The following GNL3L variants were observed in gnomAD, a reference collection of about 807,000 sequenced individuals.
GNL3L encodes guanine nucleotide-binding protein-like 3-like protein.
Under a neutral mutation model 42.9 loss-of-function variants are expected in GNL3L, and 4 were observed. That is an observed-to-expected ratio of 0.09 (90% CI 0.05 to 0.21). The LOEUF is 0.21. Ranked by LOEUF, GNL3L falls within the 10% of genes least tolerant of loss-of-function variation. The probability of loss-of-function intolerance (pLI) is 1.00; values close to 1 mark genes in which losing one functional copy is unlikely to be tolerated. For synonymous variants in GNL3L, 159 were observed against 176.3 expected (o/e 0.90, Z 0.78); for missense variants, 412 against 481.7 (o/e 0.86, Z 1.36).
the GNL3L span, among the ~76,000 whole-genome samples, chrX:54,643,116 T>C: frequency 8.9e-6 from 1 of 112,002 alleles, no homozygotes; most frequent in Non-Finnish European, 1.9e-5. Flanking sequence ...CTTTTTCATA[T>C]AACACTTAAC....
At chrX:54,611,236 T>C (rs962734345) in intron 16 of GNL3L, among the ~76,000 whole-genome samples, 1 of 112,024 alleles carries the variant, frequency 8.9e-6, no homozygotes, top group Non-Finnish European at 1.9e-5. Flanking sequence ...GGGTTTTCTC[T>C]CTTCTTTTCT....
the GNL3L span, among the ~76,000 whole-genome samples, chrX:54,640,800 C>T: frequency 8.9e-6 from 1 of 112,511 alleles, no homozygotes; most frequent in East Asian, 2.8e-4. Context: ...CGGGTCTTGT[C>T]TGTCTCCAGG....
intron 16 of GNL3L, among the ~76,000 whole-genome samples, chrX:54,585,989 C>T (rs1344111706): frequency 9.0e-6 from 1 of 111,535 alleles, no homozygotes; most frequent in Non-Finnish European, 1.9e-5. Context: ...TTCAAGATGG[C>T]TGATTAGAGG....
intron 2 of GNL3L, among the ~76,000 whole-genome samples, chrX:54,533,752 C>T (rs1924337955): frequency 9.1e-6 from 1 of 110,349 alleles, no homozygotes; most frequent in African/African-American, 3.3e-5. Context: ...CGTGAACCAC[C>T]ATGCCCGACC....
chrX:54,546,570 C>T (rs1924778416), intron 8 of GNL3L, among the ~76,000 whole-genome samples: 1 of 112,511 alleles, frequency 8.9e-6, no homozygotes, highest in African/African-American at 3.2e-5. Context: ...CCCTTGGCAA[C>T]ATTTGATAGC....
At chrX:54,535,849 G>A (rs996478992) in intron 2 of GNL3L, among the ~76,000 whole-genome samples, 10 of 111,002 alleles carry the variant, frequency 9.0e-5, no homozygotes, top group African/African-American at 2.3e-4. Context: ...CACAACCTCC[G>A]CCTCCTGGGC....
At chrX:54,570,393 T>G (rs1925526907), downstream of GNL3L, among the ~76,000 whole-genome samples, 1 of 111,970 alleles carries the variant, frequency 8.9e-6, no homozygotes, top group East Asian at 2.8e-4. Context: ...TTAACTATGG[T>G]ATATCTTTTT....
intron 16 of GNL3L, among the ~76,000 whole-genome samples, chrX:54,581,527 G>A (rs1385839942): frequency 8.9e-6 from 1 of 112,635 alleles, no homozygotes; most frequent in Non-Finnish European, 1.9e-5. Flanking sequence ...GAGCCACTGT[G>A]CCCCATCAAT....
At chrX:54,643,980 G>A in the GNL3L span, among the ~76,000 whole-genome samples, 2 of 112,336 alleles carry the variant, frequency 1.8e-5, no homozygotes, top group African/African-American at 3.2e-5. Flanking sequence ...ATTCAATTAT[G>A]TATATATACC....
At chrX:54,584,379 T>C (rs1292359402) in intron 16 of GNL3L, among the ~76,000 whole-genome samples, 2 of 111,585 alleles carry the variant, frequency 1.8e-5, no homozygotes, top group Non-Finnish European at 3.8e-5. Context: ...GTTGCACATA[T>C]ATATGTGGTA....
intron 8 of GNL3L, among the ~76,000 whole-genome samples, chrX:54,547,471 A>G (rs980275863): frequency 3.6e-5 from 4 of 110,751 alleles, no homozygotes; most frequent in African/African-American, 1.3e-4. Flanking sequence ...TTGGGAGGCC[A>G]AGGTGGGCAG....
chrX:54,591,889 C>T (rs1925876537), intron 16 of GNL3L, among the ~76,000 whole-genome samples: 2 of 111,274 alleles, frequency 1.8e-5, no homozygotes, highest in African/African-American at 6.5e-5. Flanking sequence ...TGCATTGAAT[C>T]TGTAGATTGC....
chrX:54,600,143 T>A lies in GNL3L; in HGVS notation c.*46-20702T>A, dbSNP rs188976577. On this transcript the variant is annotated intron_variant, in intron 16 of 16. Transcript: ENST00000674498. ...GTTCTTGTTATGATGAGTAATTTTT[T>A]ATTAAAATCTGGACATTTTGGGAAT... Among the ~76,000 whole-genome samples, 960 of 107,927 alleles carry A rather than the reference T, an allele frequency of 8.9e-3. 4 individuals carry two copies. The highest frequency in any genetic ancestry group is 0.014 in the Non-Finnish European group (744 of 52,081). The allele number at this position is 107,927 out of a possible 115,157, so 93.7% of individuals were successfully genotyped here.
At position 54,541,366 on chromosome X, in the gene GNL3L, C is replaced by T. The variant is rs139639751; in HGVS notation, c.283C>T (p.Arg95Cys). ...GAGCTACTGTCAGGATGTCCTAAGACGCCAGGAGGAGTTTGAGCATAAGGT... is the reference window on the plus strand; with the variant it reads ...GAGCTACTGTCAGGATGTCCTAAGATGCCAGGAGGAGTTTGAGCATAAGGT... ...IESYCQDVLRRQEEFEHKEEV... is the reference protein window; with the variant it reads ...IESYCQDVLRCQEEFEHKEEV... Residue 95 changes from arginine (R) to cysteine (C), a missense_variant, in exon 5 of 16, where the codon CGC (arginine) becomes TGC (cysteine). By Grantham distance (180) the Arg-to-Cys change is radical. Transcript: ENST00000360845. 2.8e-5 allele frequency: 33 copies of T among 1,190,549 alleles called. No individual in the cohort carries two copies. The African/African-American group carries it at 3.9e-4, about 14-fold the overall frequency.
rs1925350743 is a variant in GNL3L at position 54,564,135 on chromosome X, CA to C, written c.*3534del. 9.0e-6 allele frequency among the ~76,000 whole-genome samples: 1 copy of C among 110,846 alleles called. No individual in the cohort carries two copies. Among genetic ancestry groups the C allele is most frequent in the Admixed American group, 9.7e-5 (1 of 10,340 alleles). On this transcript the variant is annotated 3_prime_UTR_variant, in exon 16 of 16. Transcript: ENST00000360845. ...TATAGTTTTGCTTTAGTATGACTGT[CA>C]TATCAATAGAATCATACAATGAGTA...
intron 16 of GNL3L, among the ~76,000 whole-genome samples, chrX:54,596,325 C>T (rs1286955978): frequency 8.9e-6 from 1 of 111,735 alleles, no homozygotes; most frequent in Non-Finnish European, 1.9e-5. Context: ...AAAGGTAGCC[C>T]CTTGATGGCC....
At chrX:54,573,357 A>G (rs1016152395) in intron 16 of GNL3L, among the ~76,000 whole-genome samples, 1 of 112,615 alleles carries the variant, frequency 8.9e-6, no homozygotes, top group African/African-American at 3.2e-5. Context: ...CAGCCCGGCC[A>G]ACACAGCGAA....
chrX:54,636,918 G>A, the GNL3L span, among the ~76,000 whole-genome samples: 1 of 111,820 alleles, frequency 8.9e-6, no homozygotes, highest in East Asian at 2.8e-4. Flanking sequence ...CAGTCAAATG[G>A]TAGCTCTGTT....
rs1021199994 is a variant in GNL3L at position 54,564,207 on chromosome X, T to A, written c.*3605T>A. 1.8e-5 allele frequency among the ~76,000 whole-genome samples: 2 copies of A among 110,801 alleles called. No individual in the cohort carries two copies. The highest frequency in any genetic ancestry group is 6.6e-5 in the African/African-American group (2 of 30,415). ...GTTTTAAAAATTATAAACATTTACA[T>A]TACAGTAAAATTCACTCTGGTATAC... On this transcript the variant is annotated 3_prime_UTR_variant, in exon 16 of 16. Transcript: ENST00000360845.
Sources: allele counts gnomAD v4.1 joint callset (sites outside exome capture counted in the v4.1 genomes callset), GRCh38; gene constraint gnomAD v4.1.1; transcripts MANE v1.5; gene names NCBI Gene and HGNC (gene_info 2026-07-23, HGNC 2026-07-21).